HCN1: variants seen among roughly 807,000 people sequenced by gnomAD.
HCN1 encodes the protein potassium/sodium hyperpolarization-activated cyclic nucleotide-gated channel 1.
In HCN1, 13 loss-of-function variants were observed where a neutral mutation model predicts 78.9. The ratio of observed to expected loss-of-function variants is 0.16; its 90% CI spans 0.11 to 0.26. The LOEUF (loss-of-function observed/expected upper bound fraction) is 0.26, where lower values mean the gene tolerates loss of function less well. Among genes scored for constraint, HCN1 ranks in the 10% least tolerant of loss-of-function variants. The pLI, the probability that HCN1 is intolerant of heterozygous loss-of-function variation, is 1.00. For missense variants in HCN1, 810 were observed against 1,154.3 expected (o/e 0.70, Z 4.32); for synonymous variants, 552 against 455.5 (o/e 1.21, Z -2.70).
intron 5 of HCN1, among the ~76,000 whole-genome samples, chr5:45,314,753 G>A (rs889386743): frequency 2.0e-5 from 3 of 152,080 alleles, no homozygotes; most frequent in Non-Finnish European, 1.5e-5. Flanking sequence ...AAAAAGGCAG[G>A]AGTTGCAATC....
chr5:45,376,094 A>T (rs1579854339), intron 4 of HCN1, among the ~76,000 whole-genome samples: 1 of 111,168 alleles, frequency 9.0e-6, no homozygotes, highest in Non-Finnish European at 1.6e-5. Context: ...TATATTATAT[A>T]TAATATAATG....
At chr5:45,667,328 T>C (rs1377692226) in intron 1 of HCN1, among the ~76,000 whole-genome samples, 1 of 151,990 alleles carries the variant, frequency 6.6e-6, no homozygotes, top group Non-Finnish European at 1.5e-5. Context: ...AGTCTCATAA[T>C]TGTTTGCTGC....
rs370311502 is a variant in HCN1 at position 45,438,789 on chromosome 5, G to A, written c.1011+23057C>T. ...AAAAATTAAATGAGATGATGTACAC[G>A]TCAGGTTTCTTAACATATAGTAAGC... On this transcript the variant is annotated intron_variant, in intron 3 of 7. Transcript: ENST00000303230. Among the ~76,000 whole-genome samples the A allele has an allele frequency of 4.6e-5, 7 of 152,080 alleles. No individual in the cohort carries two copies. In the South Asian group the frequency reaches 1.4e-3, roughly 31 times the overall value.
At chr5:45,525,999 A>G (rs571991449) in intron 2 of HCN1, among the ~76,000 whole-genome samples, 2 of 151,972 alleles carry the variant, frequency 1.3e-5, no homozygotes, top group Non-Finnish European at 2.9e-5. Context: ...GTGAGAATAC[A>G]GTGAGAAGTT....
intron 4 of HCN1, among the ~76,000 whole-genome samples, chr5:45,374,297 T>C (rs868280731): frequency 1.0e-4 from 13 of 128,944 alleles, no homozygotes; most frequent in South Asian, 2.3e-4. Flanking sequence ...ACATTATATA[T>C]ATTGTATACA....
chr5:45,376,242 ATTCT>A (rs1311252813), intron 4 of HCN1, among the ~76,000 whole-genome samples: 115 of 2,126 alleles, frequency 0.054, 5 homozygotes, highest in Non-Finnish European at 0.06. Context: ...TATTCTATAT[ATTCT>A]ATATAGAATA....
At chr5:45,579,582 G>A (rs182531153) in intron 2 of HCN1, among the ~76,000 whole-genome samples, 3 of 152,010 alleles carry the variant, frequency 2.0e-5, no homozygotes, top group African/African-American at 7.2e-5. Context: ...AAATTAAAAA[G>A]AGCCAAACAA....
intron 7 of HCN1, among the ~76,000 whole-genome samples, chr5:45,265,664 C>T (rs1017573720): frequency 2.0e-4 from 31 of 152,096 alleles, no homozygotes; most frequent in African/African-American, 6.3e-4. Flanking sequence ...AAGTCCTTAC[C>T]TTTAATAAGA....
At chr5:45,486,358 C>G (rs1352999933) in intron 2 of HCN1, among the ~76,000 whole-genome samples, 1 of 152,144 alleles carries the variant, frequency 6.6e-6, no homozygotes, top group Admixed American at 6.5e-5. Context: ...TTGTACCATA[C>G]TGGAAGAAAT....
chr5:45,574,605 C>T (rs1345472049), intron 2 of HCN1: 1 of 152,122 alleles, frequency 6.6e-6, no homozygotes. Flanking sequence ...TCACACATCT[C>T]TCACGTTAAA....
intron 1 of HCN1, among the ~76,000 whole-genome samples, chr5:45,667,553 T>C (rs1221366727): frequency 6.6e-6 from 1 of 151,940 alleles, no homozygotes; most frequent in Non-Finnish European, 1.5e-5. Context: ...TTTGGGAAAA[T>C]ATTAGCAAAG....
chr5:45,349,928 C>T (rs972906848), intron 5 of HCN1, among the ~76,000 whole-genome samples: 10 of 152,110 alleles, frequency 6.6e-5, no homozygotes, highest in African/African-American at 1.9e-4. Context: ...GATTCACAGC[C>T]GAATTCCACC....
chr5:45,475,535 T>C (rs1483616939), intron 2 of HCN1, among the ~76,000 whole-genome samples: 3 of 152,118 alleles, frequency 2.0e-5, no homozygotes, highest in Admixed American at 2.0e-4. Flanking sequence ...GATCTGAATG[T>C]ATTCCTATTG....
chr5:45,480,316 T>C (rs1741621985), intron 2 of HCN1, among the ~76,000 whole-genome samples: 1 of 152,200 alleles, frequency 6.6e-6, no homozygotes, highest in Admixed American at 6.6e-5. Context: ...TAAGCTGGTT[T>C]GTGTTATTGT....
intron 4 of HCN1, among the ~76,000 whole-genome samples, chr5:45,356,998 A>G (rs1183284222): frequency 6.6e-6 from 1 of 151,956 alleles, no homozygotes; most frequent in Non-Finnish European, 1.5e-5. Flanking sequence ...TGCTGATCAC[A>G]TTTATTTCTT....
intron 2 of HCN1, among the ~76,000 whole-genome samples, chr5:45,513,219 T>A (rs747554825): frequency 6.6e-6 from 1 of 152,058 alleles, no homozygotes; most frequent in Non-Finnish European, 1.5e-5. Context: ...GAATCAAATA[T>A]ATTACCTACG....
Position 45,696,109 on chromosome 5 carries a change from C to T in HCN1, c.-16G>A. On this transcript the variant is annotated 5_prime_UTR_variant, in exon 1 of 8. Transcript: ENST00000303230. ...CTCCTTCCATGCCCGGAGGACGCGG[C>T]CGGCGACGGCGCGGGCTCCAGACTC... 1.5e-6 allele frequency: 2 copies of T among 1,325,122 alleles called. No homozygotes were observed. The highest frequency in any genetic ancestry group is 2.7e-5 in the Admixed American group (1 of 36,416). The allele number at this position is 1,325,122 out of a possible 1,614,324, so 82.1% of individuals were successfully genotyped here. A position where few individuals can be genotyped will look rare whatever the true frequency, so the allele number is the denominator to read the frequency against.
chr5:45,483,314 A>G (rs967332332), intron 2 of HCN1, among the ~76,000 whole-genome samples: 29 of 152,092 alleles, frequency 1.9e-4, no homozygotes, highest in African/African-American at 6.3e-4. Flanking sequence ...GACTGGTGTG[A>G]TATCTCACAC....
Position 45,482,099 on chromosome 5 carries a change from T to A in HCN1, c.850-20092A>T, listed in dbSNP as rs78648069. Among the ~76,000 whole-genome samples, 15 of 152,308 alleles carry A rather than the reference T, an allele frequency of 9.8e-5. No individual in the cohort carries two copies. The East Asian group carries it at 2.5e-3, about 25-fold the overall frequency. On this transcript the variant is annotated intron_variant, in intron 2 of 7. Transcript: ENST00000303230. The stretch of plus-strand genomic sequence containing the variant: ...TTCCTTTTGGTCTTGTTACCAGTTA[T>A]CTGATAAATTAAACTCTGACTCCAC...
Sources: allele counts gnomAD v4.1 joint callset (sites outside exome capture counted in the v4.1 genomes callset), GRCh38; gene constraint gnomAD v4.1.1; transcripts MANE v1.5; gene names NCBI Gene and HGNC (gene_info 2026-07-23, HGNC 2026-07-21).